The following ARFGEF1 variants were observed in gnomAD, a reference collection of about 807,000 sequenced individuals.
The protein encoded by ARFGEF1 is ARF guanine nucleotide exchange factor 1.
Under a neutral mutation model 231.0 loss-of-function variants are expected in ARFGEF1, and 42 were observed. The ratio of observed to expected loss-of-function variants is 0.18; its 90% confidence interval spans 0.14 to 0.24. The LOEUF is 0.24. Ranked by LOEUF, ARFGEF1 falls within the 10% of genes least tolerant of loss-of-function variation. The pLI, the probability that ARFGEF1 is intolerant of heterozygous loss-of-function variation, is 1.00. For synonymous variants in ARFGEF1, 710 were observed against 732.3 expected (o/e 0.97, Z 0.49); for missense variants, 1,345 against 2,192.0 (o/e 0.61, Z 7.72).
chr8:67,205,877 T>A (rs931345951), intron 34 of ARFGEF1, among the ~76,000 whole-genome samples: 3 of 149,232 alleles, frequency 2.0e-5, no homozygotes, highest in South Asian at 2.1e-4. Flanking sequence ...AATAAATAAA[T>A]AAATAAATAA....
In ARFGEF1 at chr8:67,198,804, T is replaced by TC. The variant is rs2129577089; in HGVS notation, c.*129dup. The TC allele has an allele frequency of 6.8e-7, 1 of 1,462,382 alleles. No individual in the cohort carries two copies. The highest frequency in any genetic ancestry group is 2.8e-5 in the Admixed American group (1 of 35,648). 90.6% of individuals were successfully genotyped at this position (1,462,382 alleles called of 1,614,324 possible). A position where few individuals can be genotyped will look rare whatever the true frequency, so the allele number is the denominator to read the frequency against. ...GAGTGTTGCAAGTTTGAGTAAGACT[T>TC]CTAAGCATCTTTACCAGTAACTCAG... On this transcript the variant is annotated 3_prime_UTR_variant, in exon 39 of 39. Transcript: ENST00000262215.
intron 9 of ARFGEF1, among the ~76,000 whole-genome samples, chr8:67,273,354 C>G (rs957674235): frequency 1.4e-5 from 2 of 144,134 alleles, no homozygotes; most frequent in African/African-American, 2.6e-5. Flanking sequence ...GGACATTGAA[C>G]CCAGGCAACA....
At chr8:67,213,419 G>T (rs1437192346) in intron 33 of ARFGEF1, among the ~76,000 whole-genome samples, 5 of 152,150 alleles carry the variant, frequency 3.3e-5, no homozygotes, top group Admixed American at 6.5e-5. Context: ...TCAGAAAATT[G>T]TGTGTCTGGG....
At chr8:67,178,717 C>T (rs991530011) in intron 5 of ARFGEF1, among the ~76,000 whole-genome samples, 2 of 152,030 alleles carry the variant, frequency 1.3e-5, no homozygotes. Flanking sequence ...CAGGAAGAGG[C>T]CCCAGTGGAA....
chr8:67,335,196 C>G (rs113903277), intron 1 of ARFGEF1, among the ~76,000 whole-genome samples: 96 of 150,738 alleles, frequency 6.4e-4, no homozygotes, highest in African/African-American at 2.1e-3. Context: ...AGCTCCGCCT[C>G]CCGGGCTCAC....
chr8:67,263,768 T>C (rs1804735964), intron 14 of ARFGEF1, among the ~76,000 whole-genome samples: 1 of 152,154 alleles, frequency 6.6e-6, no homozygotes, highest in South Asian at 2.1e-4. Flanking sequence ...AGAAACACAA[T>C]TTTAAAGAAT....
In ARFGEF1 at chr8:67,224,728, T is replaced by C. The variant is rs539524730; in HGVS notation, c.4208+175A>G. The stretch of plus-strand genomic sequence containing the variant: ...TAGTATTTCCATTTTTATTTTGCTC[T>C]AGTTAATATTTTTAAATCATATTAA... On this transcript the variant is annotated intron_variant, in intron 29 of 38. Coordinates refer to ENST00000262215, the MANE Select transcript of ARFGEF1 (RefSeq NM_006421.5). Among the ~76,000 whole-genome samples, 301 of 152,318 alleles carry C rather than the reference T, an allele frequency of 2.0e-3. 2 individuals carry two copies. The highest frequency in any genetic ancestry group is 3.4e-3 in the Middle Eastern group (1 of 294).
At chr8:67,221,142 T>TG (rs1198810713) in intron 29 of ARFGEF1, among the ~76,000 whole-genome samples, 1 of 152,234 alleles carries the variant, frequency 6.6e-6, no homozygotes, top group Non-Finnish European at 1.5e-5. Context: ...CCTACTGCAC[T>TG]GCCAGTCGTA....
chr8:67,266,239 T>C, intron 13 of ARFGEF1, 32 bp from the exon 14 acceptor site: 1 of 1,562,724 alleles, frequency 6.4e-7, no homozygotes, highest in Non-Finnish European at 8.7e-7. Context: ...GAGTACATTA[T>C]TCTATCAAAG....
intron 1 of ARFGEF1, among the ~76,000 whole-genome samples, chr8:67,342,137 G>A (rs1808659583): frequency 6.6e-6 from 1 of 152,002 alleles, no homozygotes; most frequent in Admixed American, 6.5e-5. Flanking sequence ...TCCTTTTCTT[G>A]CCAATTTGAC....
At chr8:67,203,687 G>A (rs1563834046) in intron 35 of ARFGEF1, among the ~76,000 whole-genome samples, 2 of 152,360 alleles carry the variant, frequency 1.3e-5, no homozygotes, top group East Asian at 3.9e-4. Context: ...GCAGACCTTG[G>A]CCTAGGCCAC....
In ARFGEF1 at chr8:67,253,639, AT is replaced by A; in HGVS notation, c.2527-18del. On this transcript the variant is annotated intron_variant, in intron 17 of 38. Transcript: ENST00000262215. ...ATTTTTCACCTAGATATGAAAAACC[AT>A]TATAATTCCTAAAAATTAACATAAA... 7.5e-7 allele frequency: 1 copy of A among 1,327,800 alleles called. No homozygotes were observed. The highest frequency in any genetic ancestry group is 1.0e-6 in the Non-Finnish European group (1 of 986,562). 82.3% of individuals were successfully genotyped at this position (1,327,800 alleles called of 1,614,324 possible).
intron 2 of ARFGEF1, among the ~76,000 whole-genome samples, chr8:67,302,093 G>A (rs2128915977): frequency 6.6e-6 from 1 of 152,150 alleles, no homozygotes; most frequent in South Asian, 2.1e-4. Context: ...CAGGTACTCG[G>A]CAGGCTGAGG....
chr8:67,235,904 A>C (rs907153321), intron 22 of ARFGEF1, among the ~76,000 whole-genome samples: 1 of 152,166 alleles, frequency 6.6e-6, no homozygotes, highest in African/African-American at 2.4e-5. Context: ...AAGTGAAAGT[A>C]CAGACTTTTT....
intron 29 of ARFGEF1, among the ~76,000 whole-genome samples, chr8:67,221,659 A>C (rs1839165709): frequency 6.6e-6 from 1 of 152,096 alleles, no homozygotes; most frequent in Admixed American, 6.5e-5. Context: ...ACTGCAGAAA[A>C]ATATCTTCTC....
At chr8:67,302,077 T>C (rs115832608) in intron 2 of ARFGEF1, among the ~76,000 whole-genome samples, 2,464 of 152,024 alleles carry the variant, frequency 0.016, 71 homozygotes, top group African/African-American at 0.057. Flanking sequence ...TGCTCGCCTG[T>C]AGTCCCAGGT....
intron 5 of ARFGEF1, among the ~76,000 whole-genome samples, chr8:67,295,387 AG>A (rs1806187676): frequency 6.6e-6 from 1 of 152,202 alleles, no homozygotes; most frequent in African/African-American, 2.4e-5. Context: ...CAAGTGATCA[AG>A]GTTAACATCA....
rs572207119 is a variant in ARFGEF1, at chr8:67,180,516, A to G, written c.561-4944T>C. ...GGAACTGTTTTAACAACTTGTTTGC[A>G]GGGGTAGATACATACATGTAAATGG... On this transcript the variant is annotated intron_variant, in intron 5 of 5. Coordinates refer to the ARFGEF1 transcript ENST00000518789. Among the ~76,000 whole-genome samples the G allele has an allele frequency of 2.6e-5, 4 of 152,290 alleles. No individual in the cohort carries two copies. The East Asian group carries it at 7.7e-4, about 29-fold the overall frequency.
Position 67,253,609 on chromosome 8 carries a change from AT to A in ARFGEF1, c.2539del (p.Met847Ter). The A allele has an allele frequency of 6.7e-7, 1 of 1,483,390 alleles. No individual in the cohort carries two copies. Among genetic ancestry groups the A allele is most frequent in the Non-Finnish European group, 9.1e-7 (1 of 1,102,796 alleles). 91.9% of individuals were successfully genotyped at this position (1,483,390 alleles called of 1,614,324 possible). On this transcript the variant is annotated frameshift_variant, in exon 18 of 39. Transcript: ENST00000262215. LOFTEE classifies it high-confidence loss of function. Reference protein sequence around the residue: ...DLHSPQVKNKMTKEQYIKMNR... With the variant: ...DLHSPQVKNKXTKEQYIKMNR... ...CATCTTAATGTATTGTTCCTTTGTC[AT>A]TTTATTTTTCACCTAGATATGAAAA...
Sources: gnomAD v4.1 joint callset for allele counts (sites outside exome capture counted in the v4.1 genomes callset) on GRCh38, gnomAD v4.1.1 for gene constraint, MANE v1.5 for transcripts, NCBI Gene and HGNC (gene_info 2026-07-23, HGNC 2026-07-21) for gene names.